AGO4: variants seen among roughly 807,000 people sequenced by gnomAD.
AGO4 encodes protein argonaute-4.
AGO4 carries 33 observed loss-of-function variants against 104.7 expected under a neutral mutation model. That is an observed-to-expected ratio of 0.32 (90% CI 0.24 to 0.42). The LOEUF (loss-of-function observed/expected upper bound fraction) is 0.42, where lower values mean the gene tolerates loss of function less well. AGO4 is among the 10% of genes least tolerant of loss of function. The pLI, the probability that AGO4 is intolerant of heterozygous loss-of-function variation, is 1.00. For missense variants in AGO4, 711 were observed against 1,083.4 expected, an observed-to-expected ratio of 0.66 and a Z score of 4.83; for synonymous variants, 331 against 364.7, an observed-to-expected ratio of 0.91 and a Z score of 1.05.
intron 5 of AGO4, 51 bp from the exon 6 acceptor site, chr1:35,825,875 T>G: frequency 6.2e-7 from 1 of 1,604,184 alleles, no homozygotes; most frequent in Non-Finnish European, 8.5e-7. Context: ...TGTTTGTTTG[T>G]TTTGGCCCTT....
intron 7 of AGO4, among the ~76,000 whole-genome samples, chr1:35,827,924 T>C (rs1331832392): frequency 6.6e-6 from 1 of 151,550 alleles, no homozygotes; most frequent in Non-Finnish European, 1.5e-5. Context: ...CTAATTTTTT[T>C]TGTAGAGGTG....
chr1:35,831,609 T>C (rs1644187161), intron 8 of AGO4, 35 bp downstream of exon 8: 1 of 1,601,990 alleles, frequency 6.2e-7, no homozygotes, highest in Non-Finnish European at 8.5e-7. Context: ...TTTGCTGATC[T>C]CTTGAATGAG....
chr1:35,814,891 T>C (rs1247379688), intron 1 of AGO4, among the ~76,000 whole-genome samples: 1 of 152,202 alleles, frequency 6.6e-6, no homozygotes, highest in Non-Finnish European at 1.5e-5. Flanking sequence ...TTTTTGTTGT[T>C]GTTTTAGACT....
Position 35,816,898 on chromosome 1 carries a change from GT to G in AGO4, c.39del (p.Gln14SerfsTer18). ...TCTCTTTAGGACCTCCGGCTAGCCTGTTTCAGCCACCTCGTCGTCCTGGCCT... is the reference window on the plus strand; with the variant it reads ...TCTCTTTAGGACCTCCGGCTAGCCTGTTCAGCCACCTCGTCGTCCTGGCCT... ...ALGPGPPASL[F>X]QPPRRPGLGT... is the part of the protein sequence containing the mutation. On this transcript the variant is annotated frameshift_variant, in exon 2 of 18. Transcript: ENST00000373210. LOFTEE classifies it high-confidence loss of function. 6.2e-7 allele frequency: 1 copy of G among 1,612,442 alleles called. No individual in the cohort carries two copies. Among genetic ancestry groups the G allele is most frequent in the Non-Finnish European group, 8.5e-7 (1 of 1,179,242 alleles).
intron 12 of AGO4, among the ~76,000 whole-genome samples, chr1:35,835,006 C>CTTTTTTT (rs34516326): frequency 6.8e-5 from 7 of 102,972 alleles, no homozygotes; most frequent in Non-Finnish European, 1.1e-4. Context: ...CAGTTTTAAA[C>CTTTTTTT]TTTTTTTTTT....
chr1:35,816,830 G>C, intron 1 of AGO4, 52 bp from the exon 2 acceptor site: 1 of 1,326,416 alleles, frequency 7.5e-7, no homozygotes, highest in Non-Finnish European at 1.0e-6. Flanking sequence ...AAGAAAGAAA[G>C]AAAGAAAAAG....
chr1:35,845,534 T>C (rs555044798), intron 15 of AGO4, among the ~76,000 whole-genome samples: 30 of 152,152 alleles, frequency 2.0e-4, no homozygotes, highest in Middle Eastern at 3.4e-3. Flanking sequence ...GATTCCTCTT[T>C]CTCCCTCTCT....
rs764922096 is a variant in AGO4, at chr1:35,826,853, A to G, written c.848+18A>G. 45 of 1,606,068 alleles carry G rather than the reference A, an allele frequency of 2.8e-5. No homozygotes were observed. Among genetic ancestry groups the G allele is most frequent in the Non-Finnish European group, 3.7e-5 (43 of 1,176,342 alleles). On this transcript the variant is annotated intron_variant, in intron 7 of 17. Transcript: ENST00000373210. ...CATCAAACGTATGTTAACCACATCT[A>G]AAGTAATACAATTACATTTTTAGTA...
intron 13 of AGO4, among the ~76,000 whole-genome samples, chr1:35,838,019 A>T (rs1235260915): frequency 1.3e-5 from 2 of 151,792 alleles, no homozygotes; most frequent in Non-Finnish European, 2.9e-5. Flanking sequence ...AGTAGCTGGG[A>T]CTACAGGAAT....
chr1:35,826,408 A>G (rs920357706), intron 6 of AGO4, among the ~76,000 whole-genome samples: 6 of 152,214 alleles, frequency 3.9e-5, no homozygotes, highest in African/African-American at 1.2e-4. Context: ...TCCTTCTGGG[A>G]TTTCTTTTCT....
In AGO4 at chr1:35,808,352, C is replaced by CG; in HGVS notation, c.-63dup. The stretch of plus-strand genomic sequence containing the variant: ...ATCAAGCGTTACGCGGCGGCGGCGG[C>CG]GGCGGCGGCGGGGCCCGGAGCGGGA... On this transcript the variant is annotated 5_prime_UTR_variant, in exon 1 of 18. Coordinates refer to ENST00000373210, the MANE Select transcript of AGO4 (RefSeq NM_017629.4). This position sits in a 1 kb window ranked among gnomAD's most constrained non-coding sequence, Gnocchi z 5.2. 1 of 961,494 alleles carries CG rather than the reference C, an allele frequency of 1.0e-6. No individual in the cohort carries two copies. Among genetic ancestry groups the CG allele is most frequent in the Non-Finnish European group, 1.2e-6 (1 of 803,090 alleles). 59.6% of individuals were successfully genotyped at this position (961,494 alleles called of 1,614,324 possible). A position where few individuals can be genotyped will look rare whatever the true frequency, so the allele number is the denominator to read the frequency against.
At chr1:35,809,403 G>A (rs368527825) in intron 1 of AGO4, among the ~76,000 whole-genome samples, 3 of 152,274 alleles carry the variant, frequency 2.0e-5, no homozygotes, top group East Asian at 3.9e-4. Context: ...GAACTTAGTC[G>A]TAGAGTGTTT....
At chr1:35,835,634 AG>A (rs959502565) in intron 12 of AGO4, among the ~76,000 whole-genome samples, 199 bp from the exon 13 acceptor site, 2 of 151,996 alleles carry the variant, frequency 1.3e-5, no homozygotes, top group African/African-American at 4.8e-5. Flanking sequence ...AAAAAAGGAG[AG>A]AAGGGAGGGC....
intron 10 of AGO4, 60 bp downstream of exon 10, chr1:35,832,245 C>A: frequency 6.3e-7 from 1 of 1,588,080 alleles, no homozygotes; most frequent in Non-Finnish European, 8.5e-7. Context: ...GAGAATAATC[C>A]AGGGTTTCTC....
chr1:35,838,084 A>G (rs1333513726), intron 13 of AGO4, among the ~76,000 whole-genome samples: 2 of 151,596 alleles, frequency 1.3e-5, no homozygotes, highest in African/African-American at 4.9e-5. Context: ...ACAGAGTCTC[A>G]CTCTGTCACC....
At chr1:35,814,947 A>G (rs1205475307) in intron 1 of AGO4, among the ~76,000 whole-genome samples, 2 of 152,028 alleles carry the variant, frequency 1.3e-5, no homozygotes, top group Non-Finnish European at 2.9e-5. Context: ...ACACAATCTC[A>G]GCTCACTGCA....
At chr1:35,820,269 ACTC>A (rs1557553658) in intron 2 of AGO4, among the ~76,000 whole-genome samples, 1 of 151,922 alleles carries the variant, frequency 6.6e-6, no homozygotes, top group African/African-American at 2.4e-5. Context: ...ATTACAGACA[ACTC>A]CTTCAAGGGA....
chr1:35,809,894 C>T (rs901631425), intron 1 of AGO4, among the ~76,000 whole-genome samples: 7 of 152,150 alleles, frequency 4.6e-5, no homozygotes, highest in Admixed American at 1.3e-4. Flanking sequence ...TTTCTTCCCT[C>T]CCCCTAGTAA....
At chr1:35,817,355 A>G (rs1011740326) in intron 2 of AGO4, among the ~76,000 whole-genome samples, 5 of 152,156 alleles carry the variant, frequency 3.3e-5, no homozygotes, top group African/African-American at 1.2e-4. Context: ...GGGAAATAGA[A>G]CTATCTGGAA....
Sources: allele counts gnomAD v4.1 joint callset (sites outside exome capture counted in the v4.1 genomes callset), GRCh38; gene constraint gnomAD v4.1.1; non-coding constraint Gnocchi (gnomAD v3.1); transcripts MANE v1.5; gene names NCBI Gene and HGNC (gene_info 2026-07-23, HGNC 2026-07-21).